SYP: variants seen among roughly 807,000 people sequenced by gnomAD.
The protein encoded by SYP is synaptophysin.
A neutral mutation model predicts 24.3 loss-of-function variants in SYP; 2 were observed. The observed-to-expected ratio is 0.08, with a 90% CI of 0.03 to 0.26. The LOEUF (loss-of-function observed/expected upper bound fraction) is 0.26. SYP is among the 10% of genes least tolerant of loss of function. The probability of loss-of-function intolerance (pLI) is 1.00; values close to 1 mark genes in which losing one functional copy is unlikely to be tolerated. For missense variants in SYP, 216 were observed against 266.3 expected (o/e 0.81, Z 1.32); for synonymous variants, 143 against 123.2 (o/e 1.16, Z -1.07).
At chrX:49,199,248 C>T (rs1198390288) in intron 1 of SYP, 3 of 423,151 alleles carry the variant, frequency 7.1e-6, no homozygotes, top group Non-Finnish European at 1.3e-5. Context: ...CAGAGGAAGT[C>T]GGGGGTGAGG....
At chrX:49,194,071 C>A (rs1292874757) in intron 4 of SYP, 95 bp downstream of exon 4, 48 of 1,026,954 alleles carry the variant, frequency 4.7e-5, no homozygotes, top group Non-Finnish European at 6.4e-5. Flanking sequence ...TGCATGTGGG[C>A]CTGTCTGGGA....
At chrX:49,198,606 T>C (rs1336951724) in intron 2 of SYP, 2 of 246,330 alleles carry the variant, frequency 8.1e-6, no homozygotes, top group Non-Finnish European at 1.5e-5. Context: ...GTCTTTATCA[T>C]TCCCTGTCCC....
At position 49,191,467 on chromosome X, in the gene SYP, A is replaced by G. The variant is rs782698656; in HGVS notation, c.912T>C (p.Gly304=). 3.3e-6 allele frequency: 4 copies of G among 1,209,546 alleles called. No individual in the cohort carries two copies. Among genetic ancestry groups the G allele is most frequent in the African/African-American group, 3.5e-5 (2 of 57,264 alleles). ...TCTGATTGGAGAAGGAGGTGGGTGC[A>G]CCCTGCGGGCCGTAGCCTTGCTGCC... is the stretch of plus-strand genomic sequence containing the variant. ...DYGQQGYGPQ[G]APTSFSNQM Residue 304 remains glycine (G), a synonymous_variant, in exon 6 of 7, where the codon GGT becomes GGC. Transcript: ENST00000263233.
intron 3 of SYP, among the ~76,000 whole-genome samples, chrX:49,194,674 A>T (rs1348240546): frequency 9.9e-6 from 1 of 100,840 alleles, no homozygotes; most frequent in Non-Finnish European, 2.0e-5. Context: ...CTTTTCCCCT[A>T]GATAGCTTCG....
chrX:49,200,053 A>G, intron 1 of SYP, 98 bp downstream of exon 1: 1 of 1,072,074 alleles, frequency 9.3e-7, no homozygotes. Context: ...CTCCGCTGCC[A>G]GACCCTGGCC....
chrX:49,194,122 C>G (rs782287502), intron 4 of SYP, 44 bp downstream of exon 4: 1 of 1,195,999 alleles, frequency 8.4e-7, no homozygotes, highest in Non-Finnish European at 1.1e-6. Context: ...CCTGGGGTTC[C>G]GTGTCCCCAT....
intron 4 of SYP, among the ~76,000 whole-genome samples, 166 bp from the exon 5 acceptor site, chrX:49,193,629 G>A (rs1271826413): frequency 3.5e-5 from 4 of 112,946 alleles, no homozygotes; most frequent in South Asian, 3.6e-4. Context: ...CTCCCAGCTT[G>A]AGCTTGTGTG....
chrX:49,198,806 GC>G, intron 2 of SYP, 161 bp downstream of exon 2: 1 of 577,841 alleles, frequency 1.7e-6, no homozygotes. Flanking sequence ...CTGTTTTCTG[GC>G]TTCAGACCCC....
intron 6 of SYP, among the ~76,000 whole-genome samples, chrX:49,190,176 TTTTTC>T (rs1329774185): frequency 9.1e-6 from 1 of 109,423 alleles, no homozygotes; most frequent in Non-Finnish European, 1.9e-5. Context: ...CTCACTTCTC[TTTTTC>T]TTTTTTTTTT....
intron 6 of SYP, 164 bp downstream of exon 6, chrX:49,191,269 C>T: frequency 1.8e-6 from 1 of 557,972 alleles, no homozygotes; most frequent in Non-Finnish European, 3.0e-6. Flanking sequence ...TTTTTCAGCT[C>T]TTAGCAGGTA....
chrX:49,198,485 A>G (rs1664139447), intron 2 of SYP: 1 of 109,979 alleles, frequency 9.1e-6, no homozygotes, highest in Admixed American at 9.6e-5. Context: ...TTCTCTTTGC[A>G]TCTGTTTTCT....
chrX:49,195,148 A>G lies in SYP; in HGVS notation c.228-787T>C, dbSNP rs782358713. 2.7e-5 allele frequency among the ~76,000 whole-genome samples: 3 copies of G among 110,233 alleles called. No individual in the cohort carries two copies. The Admixed American group carries it at 2.9e-4, about 11-fold the overall frequency. ...TCCTTGCTCCACTTTTCTCGATAGTAGTGGTACCCATCTGACATACCAGGT... is the reference window on the plus strand; with the variant it reads ...TCCTTGCTCCACTTTTCTCGATAGTGGTGGTACCCATCTGACATACCAGGT... On this transcript the variant is annotated intron_variant, in intron 3 of 6. Coordinates refer to ENST00000263233, the MANE Select transcript of SYP (RefSeq NM_003179.3).
chrX:49,193,651 C>T (rs1557103044), intron 4 of SYP, among the ~76,000 whole-genome samples, 188 bp from the exon 5 acceptor site: 1 of 112,949 alleles, frequency 8.9e-6, no homozygotes, highest in Non-Finnish European at 1.9e-5. Context: ...GTACATGACA[C>T]AGAGGATGTG....
chrX:49,191,254 G>C, intron 6 of SYP, 179 bp downstream of exon 6: 1 of 505,367 alleles, frequency 2.0e-6, no homozygotes. Flanking sequence ...CCATTCATTA[G>C]CTAGTTTTTC....
chrX:49,198,743 T>C (rs1221931842), intron 2 of SYP: 4 of 409,234 alleles, frequency 9.8e-6, no homozygotes, highest in African/African-American at 2.6e-5. Flanking sequence ...GACGTCACAG[T>C]CTCCCACTTC....
At chrX:49,200,096 C>G (rs1361805883) in intron 1 of SYP, 55 bp downstream of exon 1, 2 of 1,158,991 alleles carry the variant, frequency 1.7e-6, no homozygotes, top group Non-Finnish European at 2.3e-6. Flanking sequence ...CCTGAGCGAC[C>G]CGGCCTAGGC....
At chrX:49,196,145 C>T (rs141209233) in intron 3 of SYP, among the ~76,000 whole-genome samples, 2 of 111,337 alleles carry the variant, frequency 1.8e-5, no homozygotes, top group Admixed American at 9.5e-5. Flanking sequence ...GGAGGGGGCA[C>T]AGGGGATGGT....
At chrX:49,195,879 G>C (rs782448301) in intron 3 of SYP, among the ~76,000 whole-genome samples, 9 of 112,256 alleles carry the variant, frequency 8.0e-5, no homozygotes, top group African/African-American at 2.9e-4. Context: ...ATAAACAGAG[G>C]CTTAGCAAGG....
intron 2 of SYP, 114 bp downstream of exon 2, chrX:49,198,854 T>A: frequency 2.5e-6 from 2 of 812,272 alleles, no homozygotes; most frequent in Non-Finnish European, 3.6e-6. Context: ...CCCCATCCCC[T>A]ACAACCCCCG....
Sources: gnomAD v4.1 joint callset for allele counts (sites outside exome capture counted in the v4.1 genomes callset) on GRCh38, gnomAD v4.1.1 for gene constraint, MANE v1.5 for transcripts, NCBI Gene and HGNC (gene_info 2026-07-23, HGNC 2026-07-21) for gene names.